SPAG16: variants seen among roughly 807,000 people sequenced by gnomAD.
SPAG16 encodes sperm associated antigen 16.
Under a neutral mutation model 80.4 loss-of-function variants are expected in SPAG16, and 86 were observed. The ratio of observed to expected loss-of-function variants is 1.07; its 90% confidence interval spans 0.90 to 1.28. SPAG16 has a LOEUF of 1.28. SPAG16 is among the 50% of genes most tolerant of loss of function. The pLI, the probability that SPAG16 is intolerant of heterozygous loss-of-function variation, is 0.00. For synonymous variants in SPAG16, 294 were observed against 265.9 expected, an observed-to-expected ratio of 1.11 and a Z score of -1.03; for missense variants, 870 against 765.3, an observed-to-expected ratio of 1.14 and a Z score of -1.61.
At chr2:213,527,408 T>C (rs914719108) in intron 10 of SPAG16, among the ~76,000 whole-genome samples, 18 of 152,336 alleles carry the variant, frequency 1.2e-4, no homozygotes, top group Admixed American at 9.8e-4. Context: ...CTTTTATATT[T>C]CCTTTAACCT....
intron 12 of SPAG16, among the ~76,000 whole-genome samples, chr2:213,947,518 A>G (rs1367922540): frequency 3.3e-5 from 5 of 151,574 alleles, no homozygotes; most frequent in Admixed American, 6.6e-5. Flanking sequence ...TTTCTGGCCT[A>G]TTTTCTGGTT....
chr2:213,407,728 GAGAGAGAGACAGGAGAGAGGC>G (rs1378559767), intron 9 of SPAG16, among the ~76,000 whole-genome samples: 26 of 97,088 alleles, frequency 2.7e-4, no homozygotes, highest in East Asian at 8.0e-4. Flanking sequence ...AGAGACAGGA[GAGAGAGAGACAGGAGAGAGGC>G]AGAGAGAGAC....
chr2:213,335,546 T>C (rs567671815), intron 5 of SPAG16, among the ~76,000 whole-genome samples: 19 of 151,612 alleles, frequency 1.3e-4, no homozygotes, highest in African/African-American at 4.6e-4. Context: ...ATCTATATTA[T>C]TTCTCAATTT....
intron 10 of SPAG16, among the ~76,000 whole-genome samples, chr2:213,610,570 T>C (rs561741734): frequency 3.9e-5 from 6 of 152,186 alleles, no homozygotes; most frequent in Admixed American, 1.3e-4. Flanking sequence ...AGGAAAAGGG[T>C]CCCAATCCAG....
At chr2:214,374,330 TC>T (rs1559252442) in intron 15 of SPAG16, among the ~76,000 whole-genome samples, 1 of 152,188 alleles carries the variant, frequency 6.6e-6, no homozygotes, top group Non-Finnish European at 1.5e-5. Context: ...TTGTCCAAAA[TC>T]TATTTGCCAG....
intron 9 of SPAG16, among the ~76,000 whole-genome samples, chr2:213,444,164 G>A (rs911061754): frequency 9.9e-5 from 15 of 152,136 alleles, no homozygotes; most frequent in Admixed American, 2.6e-4. Flanking sequence ...TGAATTAAGG[G>A]CTCAACTCTG....
chr2:214,265,074 A>G (rs1048271230), intron 15 of SPAG16, among the ~76,000 whole-genome samples: 2 of 152,196 alleles, frequency 1.3e-5, no homozygotes, highest in Non-Finnish European at 2.9e-5. Context: ...AATTATGGGA[A>G]AGATTGCCAT....
Position 213,934,533 on chromosome 2 carries a change from T to A in SPAG16, c.1400+4388T>A, listed in dbSNP as rs576563537. 8.5e-5 allele frequency among the ~76,000 whole-genome samples: 13 copies of A among 152,282 alleles called. No homozygotes were observed. The South Asian group carries it at 2.7e-3, about 32-fold the overall frequency. ...AATATTCTAAGTGTGGAAGAAAGGA[T>A]GACAGATATTTGGTGAGAAAAAGGC... On this transcript the variant is annotated intron_variant, in intron 12 of 15. Transcript: ENST00000331683.
intron 11 of SPAG16, among the ~76,000 whole-genome samples, chr2:213,880,883 G>A (rs2076316870): frequency 6.6e-6 from 1 of 152,166 alleles, no homozygotes; most frequent in Non-Finnish European, 1.5e-5. Flanking sequence ...TAGCTGTTCA[G>A]TATAGTTTGA....
intron 12 of SPAG16, among the ~76,000 whole-genome samples, chr2:213,991,679 T>C (rs1426071103): frequency 1.3e-5 from 2 of 152,064 alleles, no homozygotes; most frequent in Non-Finnish European, 2.9e-5. Context: ...GTCTGTATTT[T>C]AGACTGATTT....
chr2:214,163,574 G>GTATA (rs1253892862), intron 15 of SPAG16, among the ~76,000 whole-genome samples: 2 of 123,916 alleles, frequency 1.6e-5, no homozygotes, highest in East Asian at 4.1e-4. Context: ...ATATGTGTGT[G>GTATA]TGTATATATA....
At chr2:213,858,490 A>G (rs927494423) in intron 10 of SPAG16, among the ~76,000 whole-genome samples, 4 of 152,224 alleles carry the variant, frequency 2.6e-5, no homozygotes, top group Non-Finnish European at 4.4e-5. Context: ...ATACTATTAT[A>G]TACTTAATAT....
rs2066817837 is a variant in SPAG16 at position 213,375,054 on chromosome 2, CAGAA to C, written c.880_883del (p.Lys294ValfsTer15). On this transcript the variant is annotated frameshift_variant, in exon 9 of 16. Transcript: ENST00000331683. LOFTEE classifies it high-confidence loss of function. ...AGAAAATGCACCAGAAGGTCCTACT[CAGAA>C]AGGTCTTCGTGAAGCCAGGGAACAA... 4.3e-6 allele frequency: 7 copies of C among 1,610,828 alleles called. No homozygotes were observed. Among genetic ancestry groups the C allele is most frequent in the Non-Finnish European group, 5.9e-6 (7 of 1,178,610 alleles).
intron 13 of SPAG16, among the ~76,000 whole-genome samples, chr2:214,026,051 G>T (rs2048110511): frequency 6.6e-6 from 1 of 151,364 alleles, no homozygotes; most frequent in Admixed American, 6.6e-5. Flanking sequence ...TCAGCAAATA[G>T]AAAATAATAA....
At position 214,380,379 on chromosome 2, in the gene SPAG16, C is replaced by T. The variant is rs545878259; in HGVS notation, c.1721-29761C>T. Reference sequence around the variant, plus strand: ...CCTAAAACAATTTTCAGAAATGCTTCTATTGAACTCTACTGAAATTACATT... The same window carrying T: ...CCTAAAACAATTTTCAGAAATGCTTTTATTGAACTCTACTGAAATTACATT... On this transcript the variant is annotated intron_variant, in intron 15 of 15. Transcript: ENST00000331683. 2.0e-5 allele frequency among the ~76,000 whole-genome samples: 3 copies of T among 152,286 alleles called. No homozygotes were observed. The East Asian group carries it at 5.8e-4, about 29-fold the overall frequency.
chr2:214,376,788 G>A (rs1260286723), intron 15 of SPAG16, among the ~76,000 whole-genome samples: 1 of 152,144 alleles, frequency 6.6e-6, no homozygotes, highest in Non-Finnish European at 1.5e-5. Flanking sequence ...TTAGTACAAT[G>A]CCTAGCAATG....
rs556921922 is a variant in SPAG16, at chr2:213,888,064, A to G, written c.1214+25436A>G. On this transcript the variant is annotated intron_variant, in intron 11 of 15. Transcript: ENST00000331683. ...TAGTTTGTATTTCTTTCAGAAACAC[A>G]ATTCTGGAAAGATACAACAGTGTTT... 1.5e-3 allele frequency among the ~76,000 whole-genome samples: 228 copies of G among 152,052 alleles called. 2 individuals carry two copies. Among genetic ancestry groups the G allele is most frequent in the Non-Finnish European group, 2.7e-3 (181 of 67,822 alleles).
intron 10 of SPAG16, among the ~76,000 whole-genome samples, chr2:213,684,808 G>C (rs2064578899): frequency 6.6e-6 from 1 of 152,210 alleles, no homozygotes; most frequent in South Asian, 2.1e-4. Context: ...GCAATGTAAT[G>C]AGGATAAATG....
intron 12 of SPAG16, among the ~76,000 whole-genome samples, chr2:213,930,378 C>G (rs1444399615): frequency 6.6e-6 from 1 of 152,006 alleles, no homozygotes; most frequent in Non-Finnish European, 1.5e-5. Context: ...CAAGATCAAG[C>G]CTATGTAATA....
Sources: gnomAD v4.1 joint callset for allele counts (sites outside exome capture counted in the v4.1 genomes callset) on GRCh38, gnomAD v4.1.1 for gene constraint, MANE v1.5 for transcripts, NCBI Gene and HGNC (gene_info 2026-07-23, HGNC 2026-07-21) for gene names.